C1orf167: variants seen among roughly 807,000 people sequenced by gnomAD.
C1orf167 encodes chromosome 1 open reading frame 167.
In C1orf167, 153 loss-of-function variants were observed where a neutral mutation model predicts 176.5. The ratio of observed to expected loss-of-function variants is 0.87; its 90% CI spans 0.76 to 0.99. The LOEUF is 0.99. Among genes scored for constraint, C1orf167 ranks in the 50% least tolerant of loss-of-function variants. The probability of loss-of-function intolerance (pLI) is 0.00; values close to 1 mark genes in which losing one functional copy is unlikely to be tolerated. For missense variants in C1orf167, 1,490 were observed against 1,817.7 expected, an observed-to-expected ratio of 0.82 and a Z score of 3.28; for synonymous variants, 594 against 752.7, an observed-to-expected ratio of 0.79 and a Z score of 3.45.
At position 11,766,350 on chromosome 1, in the gene C1orf167, C is replaced by T; in HGVS notation, c.564C>T (p.Ala188=). ...ACTTCAGGCCCACTGAAGCCTTTGC[C>T]CCTCTCGATGGGCATACACAGCCAG... ...SGDFRPTEAF[A]PLDGHTQPGL... Residue 188 remains alanine, a synonymous_variant, in exon 3 of 21, where the codon GCC becomes GCT. Transcript: ENST00000688073. The surrounding 1 kb of genome is among the most constrained non-coding windows in gnomAD (Gnocchi z 4.5). The T allele has an allele frequency of 1.6e-6, 2 of 1,276,338 alleles. No homozygotes were observed. The highest frequency in any genetic ancestry group is 2.0e-6 in the Non-Finnish European group (2 of 982,884). The allele number at this position is 1,276,338 out of a possible 1,614,324, so 79.1% of individuals were successfully genotyped here.
intron 16 of C1orf167, among the ~76,000 whole-genome samples, 173 bp downstream of exon 16, chr1:11,785,462 G>A (rs1479357982): frequency 1.3e-5 from 2 of 152,184 alleles, no homozygotes; most frequent in South Asian, 2.1e-4. Flanking sequence ...GATTCAGCCG[G>A]TGGTGGCAGC....
chr1:11,780,425 C>T (rs1643541887), intron 13 of C1orf167, among the ~76,000 whole-genome samples: 1 of 152,042 alleles, frequency 6.6e-6, no homozygotes, highest in Admixed American at 6.6e-5. Flanking sequence ...CCTCCCATCC[C>T]GTAGCAAATT....
In C1orf167 at chr1:11,769,125, C is replaced by T; in HGVS notation, c.1695C>T (p.Thr565=). 1 of 985,930 alleles carries T rather than the reference C, an allele frequency of 1.0e-6. No homozygotes were observed. The highest frequency in any genetic ancestry group is 1.2e-6 in the Non-Finnish European group (1 of 829,984). The allele number at this position is 985,930 out of a possible 1,614,324, so 61.1% of individuals were successfully genotyped here. The change falls in exon 6 of 21, where the codon ACC becomes ACT. Residue 565 remains threonine, a splice_region_variant and synonymous_variant. Coordinates refer to ENST00000688073, the MANE Select transcript of C1orf167 (RefSeq NM_001010881.2). ...DPAQRSRLEH[T]SPGSLREEEI... is the part of the protein sequence containing the mutation. Reference sequence around the variant, plus strand: ...CCCAGAGAAGCAGGCTGGAACACACCAGGTTGGTCAGTGTTGCCTGGGAAG... The same window carrying T: ...CCCAGAGAAGCAGGCTGGAACACACTAGGTTGGTCAGTGTTGCCTGGGAAG...
In C1orf167 at chr1:11,766,118, G is replaced by A. The variant is rs763123518; in HGVS notation, c.332G>A (p.Arg111His). The change falls in exon 3 of 21, where the codon CGC becomes CAC. Residue 111 changes from arginine to histidine, a missense_variant. By Grantham distance (29) the Arg-to-His change is conservative. Coordinates refer to ENST00000688073, the MANE Select transcript of C1orf167 (RefSeq NM_001010881.2). This position sits in a 1 kb window ranked among gnomAD's most constrained non-coding sequence, Gnocchi z 4.5. ...QSNLQSLARR[R>H]QGKAREFAIQ... The stretch of plus-strand genomic sequence containing the variant: ...AACCTGCAGTCCCTGGCCAGGAGGC[G>A]CCAAGGGAAGGCCCGAGAGTTTGCC... The A allele has an allele frequency of 6.6e-5, 85 of 1,289,816 alleles. 1 individual carries two copies. The highest frequency in any genetic ancestry group is 2.1e-4 in the Middle Eastern group (1 of 4,696). The allele number at this position is 1,289,816 out of a possible 1,614,324, so 79.9% of individuals were successfully genotyped here.
Position 11,785,258 on chromosome 1 carries a change from G to A in C1orf167, c.3536G>A (p.Arg1179Lys). Reference protein sequence around the residue: ...LRRFLRTVQLRVRLGLPGAGK... With the variant: ...LRRFLRTVQLKVRLGLPGAGK... ...CGCTTCCTGCGGACAGTGCAGCTCAGGGTGCGGCTGGGACTGCCAGGGGCC... is the reference window on the plus strand; with the variant it reads ...CGCTTCCTGCGGACAGTGCAGCTCAAGGTGCGGCTGGGACTGCCAGGGGCC... The change falls in exon 16 of 21, where the codon AGG (arginine) becomes AAG (lysine). Residue 1179 changes from arginine (R) to lysine (K), a missense_variant. By Grantham distance (26) the Arg-to-Lys change is conservative (BLOSUM62 2). Coordinates refer to ENST00000688073, the MANE Select transcript of C1orf167 (RefSeq NM_001010881.2). 1 of 1,288,856 alleles carries A rather than the reference G, an allele frequency of 7.8e-7. No homozygotes were observed. Among genetic ancestry groups the A allele is most frequent in the South Asian group, 1.2e-5 (1 of 80,952 alleles). 79.8% of individuals were successfully genotyped at this position (1,288,856 alleles called of 1,614,324 possible). A position where few individuals can be genotyped will look rare whatever the true frequency, so the allele number is the denominator to read the frequency against.
rs1351817176 is a variant in C1orf167, at chr1:11,782,214, C to A, written c.2886C>A (p.Cys962Ter). 46 of 1,293,482 alleles carry A rather than the reference C, an allele frequency of 3.6e-5. No individual in the cohort carries two copies. Among genetic ancestry groups the A allele is most frequent in the Non-Finnish European group, 4.5e-5 (44 of 984,668 alleles). The allele number at this position is 1,293,482 out of a possible 1,614,324, so 80.1% of individuals were successfully genotyped here. Residue 962 changes from cysteine to a stop codon, truncating the protein, a stop_gained, in exon 14 of 21, where the codon TGC becomes TGA. Coordinates refer to ENST00000688073, the MANE Select transcript of C1orf167 (RefSeq NM_001010881.2). LOFTEE classifies it high-confidence loss of function. The stretch of plus-strand genomic sequence containing the variant: ...GGCAGCAGTTCCTGCATGAAAAGTG[C>A]CAGACATGGGTGCAGGTCCACCTCC... ...WQGQQFLHEK[C>*]QTWVQVHLQG...
intron 8 of C1orf167, 122 bp downstream of exon 8, chr1:11,772,381 C>T: frequency 1.1e-6 from 1 of 881,782 alleles, no homozygotes; most frequent in South Asian, 1.7e-5. Flanking sequence ...CCTCCCACCT[C>T]AGCCTCTCGA....
Position 11,781,708 on chromosome 1 carries a change from A to G in C1orf167, c.2861-481A>G, listed in dbSNP as rs74880757. On this transcript the variant is annotated intron_variant, in intron 13 of 20. Coordinates refer to ENST00000688073, the MANE Select transcript of C1orf167 (RefSeq NM_001010881.2). ...GGCGGATCACGAGGTCAGGAGATCG[A>G]GACCATCTTGGCTAACATGGTGAAA... Among the ~76,000 whole-genome samples the G allele has an allele frequency of 1.1e-3, 161 of 152,252 alleles. 4 individuals carry two copies. In the East Asian group the frequency reaches 0.03, roughly 29 times the overall value.
chr1:11,780,405 C>T (rs756710273), intron 13 of C1orf167, among the ~76,000 whole-genome samples: 1 of 152,092 alleles, frequency 6.6e-6, no homozygotes, highest in African/African-American at 2.4e-5. Flanking sequence ...TGCCTCACCA[C>T]CCCCCATACC....
chr1:11,763,393 C>T (rs969523625), intron 1 of C1orf167, among the ~76,000 whole-genome samples: 13 of 149,212 alleles, frequency 8.7e-5, no homozygotes, highest in African/African-American at 2.7e-4. Flanking sequence ...TGCAGTGAGC[C>T]GGGATCACGC....
At position 11,768,297 on chromosome 1, in the gene C1orf167, C is replaced by T; in HGVS notation, c.1542+22C>T. 7.8e-7 allele frequency: 1 copy of T among 1,288,606 alleles called. No individual in the cohort carries two copies. The highest frequency in any genetic ancestry group is 1.0e-6 in the Non-Finnish European group (1 of 987,918). The allele number at this position is 1,288,606 out of a possible 1,614,324, so 79.8% of individuals were successfully genotyped here. A position where few individuals can be genotyped will look rare whatever the true frequency, so the allele number is the denominator to read the frequency against. Reference sequence around the variant, plus strand: ...AGAGGTCAGCGGTCTCCAGGTTGGGCCAGGGGGCCGTGTGAAGCAGTGGTG... The same window carrying T: ...AGAGGTCAGCGGTCTCCAGGTTGGGTCAGGGGGCCGTGTGAAGCAGTGGTG... On this transcript the variant is annotated intron_variant, in intron 5 of 20. Transcript: ENST00000688073. The surrounding 1 kb of genome is among the most constrained non-coding windows in gnomAD (Gnocchi z 4.5).
chr1:11,777,593 G>C (rs1643379982), intron 10 of C1orf167: 1 of 151,364 alleles, frequency 6.6e-6, no homozygotes, highest in Non-Finnish European at 1.5e-5. Flanking sequence ...AGAGGTTGCA[G>C]TGAGCCAAGA....
At chr1:11,763,257 T>C (rs1249957311) in intron 1 of C1orf167, among the ~76,000 whole-genome samples, 1 of 152,174 alleles carries the variant, frequency 6.6e-6, no homozygotes, top group Admixed American at 6.5e-5. Flanking sequence ...CTGGCCATCA[T>C]GGTGAAACCC....
intron 14 of C1orf167, among the ~76,000 whole-genome samples, chr1:11,782,611 A>G (rs377305127): frequency 2.0e-5 from 3 of 152,218 alleles, no homozygotes; most frequent in African/African-American, 7.2e-5. Context: ...CTTTGGTTTT[A>G]GAGGATATGA....
In C1orf167 at chr1:11,768,921, T is replaced by TGGGA; in HGVS notation, c.1543-49_1543-46dup. ...TCCCCGCCCCTGCCTGGTGTTCCCT[T>TGGGA]GGGAGGCAGATTCAAGGCCAACATC... is the stretch of plus-strand genomic sequence containing the variant. On this transcript the variant is annotated intron_variant, in intron 5 of 20. Transcript: ENST00000688073. The surrounding 1 kb of genome is among the most constrained non-coding windows in gnomAD (Gnocchi z 4.5). The TGGGA allele has an allele frequency of 1.1e-5, 11 of 985,116 alleles. No individual in the cohort carries two copies. Among genetic ancestry groups the TGGGA allele is most frequent in the Non-Finnish European group, 1.3e-5 (11 of 829,186 alleles). 61.0% of individuals were successfully genotyped at this position (985,116 alleles called of 1,614,324 possible). A position where few individuals can be genotyped will look rare whatever the true frequency, so the allele number is the denominator to read the frequency against.
chr1:11,785,246 C>T lies in C1orf167; in HGVS notation c.3524C>T (p.Thr1175Ile). 7.7e-7 allele frequency: 1 copy of T among 1,290,638 alleles called. No homozygotes were observed. Among genetic ancestry groups the T allele is most frequent in the Non-Finnish European group, 1.0e-6 (1 of 988,204 alleles). The allele number at this position is 1,290,638 out of a possible 1,614,324, so 79.9% of individuals were successfully genotyped here. A position where few individuals can be genotyped will look rare whatever the true frequency, so the allele number is the denominator to read the frequency against. The part of the protein sequence containing the change: ...RPAELRRFLR[T>I]VQLRVRLGLP... Reference sequence around the variant, plus strand: ...GCTGAGCTCAGGCGCTTCCTGCGGACAGTGCAGCTCAGGGTGCGGCTGGGA... The same window carrying T: ...GCTGAGCTCAGGCGCTTCCTGCGGATAGTGCAGCTCAGGGTGCGGCTGGGA... The change falls in exon 16 of 21, where the codon ACA becomes ATA. Residue 1175 changes from threonine to isoleucine, a missense_variant. By Grantham distance (89) the Thr-to-Ile change is moderately conservative. Coordinates refer to ENST00000688073, the MANE Select transcript of C1orf167 (RefSeq NM_001010881.2).
At position 11,771,556 on chromosome 1, in the gene C1orf167, A is replaced by G; in HGVS notation, c.1730A>G (p.Gln577Arg). 7.8e-7 allele frequency: 1 copy of G among 1,289,780 alleles called. No homozygotes were observed. The allele number at this position is 1,289,780 out of a possible 1,614,324, so 79.9% of individuals were successfully genotyped here. The change falls in exon 7 of 21, where the codon CAG (glutamine) becomes CGG (arginine). Residue 577 changes from glutamine (Q) to arginine (R), a missense_variant. Physicochemically the swap from Gln to Arg is conservative, Grantham distance 43. Transcript: ENST00000688073. Reference protein sequence around the residue: ...PGSLREEEIAQRLLSHPRQRT... With the variant: ...PGSLREEEIARRLLSHPRQRT... ...AGTCTGAGGGAGGAGGAGATTGCTC[A>G]GCGGCTTCTGTCACATCCTAGGCAG... is the stretch of plus-strand genomic sequence containing the variant.
intron 19 of C1orf167, 52 bp downstream of exon 19, chr1:11,788,430 C>T (rs1481130221): frequency 2.4e-6 from 3 of 1,256,104 alleles, no homozygotes; most frequent in Non-Finnish European, 3.1e-6. Context: ...TCACCTCATA[C>T]TTAACCCAAA....
Position 11,762,279 on chromosome 1 carries a change from A to G in C1orf167, c.-97A>G, listed in dbSNP as rs1314608048. 1 of 411,776 alleles carries G rather than the reference A, an allele frequency of 2.4e-6. No individual in the cohort carries two copies. The highest frequency in any genetic ancestry group is 7.2e-5 in the East Asian group (1 of 13,876). The allele number at this position is 411,776 out of a possible 1,614,324, so 25.5% of individuals were successfully genotyped here. ...TCTAGATTCAAATCCGACTGGGTGA[A>G]GGAGGACCCGAGGAGGACCCACGCA... On this transcript the variant is annotated 5_prime_UTR_variant, in exon 1 of 21. Coordinates refer to ENST00000688073, the MANE Select transcript of C1orf167 (RefSeq NM_001010881.2).
Sources: allele counts gnomAD v4.1 joint callset (sites outside exome capture counted in the v4.1 genomes callset), GRCh38; gene constraint gnomAD v4.1.1; non-coding constraint Gnocchi (gnomAD v3.1); transcripts MANE v1.5; gene names NCBI Gene and HGNC (gene_info 2026-07-23, HGNC 2026-07-21).